Variants in ZSCAN5A observed in about 807,000 individuals in gnomAD.
ZSCAN5A encodes zinc finger and SCAN domain containing 5A, also known as zinc finger and SCAN domain-containing protein 5A.
Under a neutral mutation model 23.7 loss-of-function variants are expected in ZSCAN5A, and 12 were observed. That is an observed-to-expected ratio of 0.51 (90% confidence interval 0.32 to 0.82). The LOEUF (loss-of-function observed/expected upper bound fraction) is 0.82, where lower values mean the gene tolerates loss of function less well. Among genes scored for constraint, ZSCAN5A ranks in the 40% least tolerant of loss-of-function variants. The pLI is 0.03. For synonymous variants in ZSCAN5A, 257 were observed against 239.9 expected (o/e 1.07, Z -0.66); for missense variants, 597 against 617.9 (o/e 0.97, Z 0.36).
At chr19:56,331,595 T>TG (rs1256155805) in intron 2 of ZSCAN5A, among the ~76,000 whole-genome samples, 1 of 135,878 alleles carries the variant, frequency 7.4e-6, no homozygotes, top group African/African-American at 2.8e-5. Context: ...TTTTTTTTTT[T>TG]TTTTTTTTTT....
At chr19:56,358,901 ACT>A (rs2041714918) in intron 2 of ZSCAN5A, among the ~76,000 whole-genome samples, 1 of 152,280 alleles carries the variant, frequency 6.6e-6, no homozygotes, top group South Asian at 2.1e-4. Context: ...AACATACCAG[ACT>A]CTCTGGGATG....
intron 2 of ZSCAN5A, among the ~76,000 whole-genome samples, chr19:56,265,253 A>C (rs943820913): frequency 6.6e-6 from 1 of 151,638 alleles, no homozygotes. Flanking sequence ...CCATCCTAGC[A>C]CAGGGCACTC....
chr19:56,301,121 A>C (rs1345883138), intron 2 of ZSCAN5A, among the ~76,000 whole-genome samples: 3 of 152,180 alleles, frequency 2.0e-5, no homozygotes, highest in African/African-American at 7.2e-5. Flanking sequence ...CTCGTGCAAG[A>C]AAGAATTTGA....
At chr19:56,308,292 A>T (rs2040828707) in intron 2 of ZSCAN5A, among the ~76,000 whole-genome samples, 1 of 150,906 alleles carries the variant, frequency 6.6e-6, no homozygotes, top group Non-Finnish European at 1.5e-5. Flanking sequence ...TCGGCCTCCC[A>T]AAGTGCTGGG....
Position 56,320,084 on chromosome 19 carries a change from C to A in ZSCAN5A, c.-357-3816G>T, listed in dbSNP as rs1459455427. The A allele has an allele frequency of 3.9e-6, 3 of 773,762 alleles. No homozygotes were observed. The Admixed American group carries it at 5.1e-5, about 13-fold the overall frequency. 47.9% of individuals were successfully genotyped at this position (773,762 alleles called of 1,614,324 possible). On this transcript the variant is annotated intron_variant, in intron 2 of 6. Transcript: ENST00000587340. ...ACAAAATCTCTTCTTATACCTGTCA[C>A]TGTCTGAAGGCAGTAGGCTAATTTC...
rs988759056 is a variant in ZSCAN5A at position 56,223,095 on chromosome 19, G to C, written c.589-354C>G. Among the ~76,000 whole-genome samples the C allele has an allele frequency of 5.3e-5, 8 of 152,250 alleles. No individual in the cohort carries two copies. In the South Asian group the frequency reaches 1.5e-3, roughly 28 times the overall value. ...TCAGCTGTGGCACCACTGGCATTGG[G>C]GCTGCATCACCCTGCTGGAGGGGGC... On this transcript the variant is annotated intron_variant, in intron 4 of 5. Transcript: ENST00000683990.
At chr19:56,337,297 C>G (rs930335443) in intron 2 of ZSCAN5A, among the ~76,000 whole-genome samples, 2 of 152,250 alleles carry the variant, frequency 1.3e-5, no homozygotes, top group Non-Finnish European at 2.9e-5. Flanking sequence ...CGCCCCTCCC[C>G]CAGCCTCACT....
At chr19:56,358,655 T>TAGA (rs1265394937) in intron 2 of ZSCAN5A, among the ~76,000 whole-genome samples, 16 of 152,214 alleles carry the variant, frequency 1.1e-4, no homozygotes, top group African/African-American at 3.9e-4. Context: ...GCACTTACTC[T>TAGA]AAAATTGATC....
At chr19:56,285,891 G>GTTTC (rs2039081178) in intron 2 of ZSCAN5A, among the ~76,000 whole-genome samples, 1 of 152,236 alleles carries the variant, frequency 6.6e-6, no homozygotes, top group South Asian at 2.1e-4. Context: ...GTTCCTAAAA[G>GTTTC]GGAAATGGCT....
chr19:56,278,022 T>A (rs1207660622), intron 2 of ZSCAN5A, among the ~76,000 whole-genome samples: 1 of 152,218 alleles, frequency 6.6e-6, no homozygotes, highest in African/African-American at 2.4e-5. Flanking sequence ...TATTTTACAT[T>A]TTTGCAAATC....
Position 56,223,762 on chromosome 19 carries a change from T to C in ZSCAN5A, c.457A>G (p.Ser153Gly), listed in dbSNP as rs1168030056. 11 of 1,613,866 alleles carry C rather than the reference T, an allele frequency of 6.8e-6. No individual in the cohort carries two copies. Among genetic ancestry groups the C allele is most frequent in the Non-Finnish European group, 9.3e-6 (11 of 1,180,026 alleles). Reference sequence around the variant, plus strand: ...ACGTCTTTCAGATCATCTCTGACACTGGAGGGGGCTTCAGCCATCTCGATA... The same window carrying C: ...ACGTCTTTCAGATCATCTCTGACACCGGAGGGGGCTTCAGCCATCTCGATA... ...SDIEMAEAPS[S>G]VRDDLKDVSS... Residue 153 changes from serine (S) to glycine (G), a missense_variant, in exon 4 of 6, where the codon AGT (serine) becomes GGT (glycine). Physicochemically the swap from Ser to Gly is moderately conservative, Grantham distance 56. Around this residue, in one of 5 missense-constraint regions of ZSCAN5A, gnomAD observed 406 missense variants for 353.2 expected, o/e 1.15. Transcript: ENST00000683990.
At chr19:56,233,530 G>C (rs2034635051) in intron 2 of ZSCAN5A, among the ~76,000 whole-genome samples, 1 of 151,780 alleles carries the variant, frequency 6.6e-6, no homozygotes, top group African/African-American at 2.4e-5. Context: ...AAACAGATAA[G>C]GAATGGCTAG....
rs2041360245 is a variant in ZSCAN5A at position 56,320,188 on chromosome 19, C to G, written c.-357-3920G>C. ...AACTTCCTGGTTGTTTCAAGTTGTTCCTGTTTCTTATAATCATCTCAATTC... is the reference window on the plus strand; with the variant it reads ...AACTTCCTGGTTGTTTCAAGTTGTTGCTGTTTCTTATAATCATCTCAATTC... On this transcript the variant is annotated intron_variant, in intron 2 of 6. Coordinates refer to the ZSCAN5A transcript ENST00000587340. 8.8e-6 allele frequency: 6 copies of G among 680,210 alleles called. No homozygotes were observed. In the East Asian group the frequency reaches 1.4e-4, roughly 16 times the overall value. 42.1% of individuals were successfully genotyped at this position (680,210 alleles called of 1,614,324 possible). A position where few individuals can be genotyped will look rare whatever the true frequency, so the allele number is the denominator to read the frequency against.
intron 2 of ZSCAN5A, among the ~76,000 whole-genome samples, chr19:56,276,250 T>TC (rs1438708334): frequency 6.6e-6 from 1 of 152,174 alleles, no homozygotes; most frequent in Non-Finnish European, 1.5e-5. Flanking sequence ...GGTCTGGACA[T>TC]GACTCAGAAA....
chr19:56,299,156 C>A (rs966595440), intron 2 of ZSCAN5A, among the ~76,000 whole-genome samples: 1 of 151,564 alleles, frequency 6.6e-6, no homozygotes, highest in Non-Finnish European at 1.5e-5. Context: ...TTTTGAGACA[C>A]GGTCTAGCTT....
In ZSCAN5A at chr19:56,337,919, T is replaced by A. The variant is rs2041556119; in HGVS notation, c.-357-21651A>T. Among the ~76,000 whole-genome samples the A allele has an allele frequency of 2.0e-5, 3 of 152,356 alleles. No individual in the cohort carries two copies. In the South Asian group the frequency reaches 6.2e-4, roughly 32 times the overall value. On this transcript the variant is annotated intron_variant, in intron 2 of 6. Transcript: ENST00000587340. ...GTTTTTCTTTTATTCTGCAAAGTAA[T>A]ATGCTATTTCGTGGCTTTTTAATTT...
chr19:56,339,153 A>G (rs1486371036), intron 2 of ZSCAN5A, among the ~76,000 whole-genome samples: 1 of 152,296 alleles, frequency 6.6e-6, no homozygotes, highest in Non-Finnish European at 1.5e-5. Context: ...CAGTTTGCAA[A>G]CCAGAAGGTG....
At chr19:56,239,725 A>G (rs2035260037) in intron 2 of ZSCAN5A, among the ~76,000 whole-genome samples, 1 of 152,258 alleles carries the variant, frequency 6.6e-6, no homozygotes, top group Non-Finnish European at 1.5e-5. Context: ...GTATTTTTCA[A>G]TATACTGACA....
At chr19:56,337,929 C>G (rs961774828) in intron 2 of ZSCAN5A, among the ~76,000 whole-genome samples, 2 of 152,120 alleles carry the variant, frequency 1.3e-5, no homozygotes, top group African/African-American at 4.8e-5. Flanking sequence ...TATGCTATTT[C>G]GTGGCTTTTT....
Sources: allele counts gnomAD v4.1 joint callset (sites outside exome capture counted in the v4.1 genomes callset), GRCh38; gene constraint gnomAD v4.1.1; regional missense constraint gnomAD v4.1.1; transcripts MANE v1.5; gene names NCBI Gene and HGNC (gene_info 2026-07-23, HGNC 2026-07-21).